RFX3: variants seen among roughly 807,000 people sequenced by gnomAD.
The protein encoded by RFX3 is regulatory factor X3.
In RFX3, 14 loss-of-function variants were observed where a neutral mutation model predicts 98.6. The observed-to-expected ratio is 0.14, with a 90% confidence interval of 0.09 to 0.22. The LOEUF is 0.22. Ranked by LOEUF, RFX3 falls within the 10% of genes least tolerant of loss-of-function variation. The probability of loss-of-function intolerance (pLI) is 1.00; values close to 1 mark genes in which losing one functional copy is unlikely to be tolerated. For missense variants in RFX3, 639 were observed against 926.9 expected, an observed-to-expected ratio of 0.69 and a Z score of 4.03; for synonymous variants, 383 against 328.4, an observed-to-expected ratio of 1.17 and a Z score of -1.80.
At chr9:3,291,088 G>C (rs1326465963) in intron 6 of RFX3, among the ~76,000 whole-genome samples, 2 of 152,192 alleles carry the variant, frequency 1.3e-5, no homozygotes, top group African/African-American at 4.8e-5. Context: ...TGCTGGGCTG[G>C]GTGCGGTGGC....
chr9:3,439,843 C>A (rs1845470944), intron 1 of RFX3, among the ~76,000 whole-genome samples: 1 of 151,950 alleles, frequency 6.6e-6, no homozygotes, highest in African/African-American at 2.4e-5. Context: ...CACACCAATA[C>A]TTCTCATGTA....
At chr9:3,523,409 T>C (rs1818917600) in intron 1 of RFX3, among the ~76,000 whole-genome samples, 1 of 152,192 alleles carries the variant, frequency 6.6e-6, no homozygotes, top group Admixed American at 6.5e-5. Context: ...ATTTAATCAA[T>C]TCCACAGCAG....
Position 3,330,772 on chromosome 9 carries a change from A to G in RFX3, c.216-255T>C, listed in dbSNP as rs16917028. On this transcript the variant is annotated intron_variant, in intron 3 of 16. Transcript: ENST00000617270. ...TTGCCCTCTCCTGGTGCCTATCTCC[A>G]GCATATAAATAAGCTCAGGTCTCTT... Among the ~76,000 whole-genome samples, 498 of 152,306 alleles carry G rather than the reference A, an allele frequency of 3.3e-3. 15 individuals are homozygous for G. In the East Asian group the frequency reaches 0.076, roughly 23 times the overall value.
intron 1 of RFX3, among the ~76,000 whole-genome samples, chr9:3,512,442 C>A (rs952823945): frequency 1.3e-5 from 2 of 151,890 alleles, no homozygotes; most frequent in African/African-American, 2.4e-5. Context: ...TTACTATATA[C>A]TGACTTTACA....
intron 2 of RFX3, among the ~76,000 whole-genome samples, chr9:3,348,933 A>G (rs1563966664): frequency 6.6e-6 from 1 of 152,134 alleles, no homozygotes; most frequent in Admixed American, 6.6e-5. Context: ...CTGGAATCAG[A>G]CATTTCTTCA....
chr9:3,399,996 T>G (rs770952810), intron 1 of RFX3, among the ~76,000 whole-genome samples: 1 of 151,624 alleles, frequency 6.6e-6, no homozygotes, highest in South Asian at 2.1e-4. Context: ...ACAATATTGA[T>G]GACATTTATA....
At chr9:3,295,095 G>C (rs1007372108) in intron 5 of RFX3, among the ~76,000 whole-genome samples, 2 of 152,068 alleles carry the variant, frequency 1.3e-5, no homozygotes, top group African/African-American at 4.8e-5. Context: ...CACAGAATAG[G>C]TTTGCTACAC....
intron 12 of RFX3, among the ~76,000 whole-genome samples, chr9:3,264,038 C>T (rs900851974): frequency 2.0e-5 from 3 of 152,138 alleles, no homozygotes; most frequent in Non-Finnish European, 4.4e-5. Flanking sequence ...CCCACTATTG[C>T]TAGCCCTGGG....
At chr9:3,340,452 C>G (rs1464974429) in intron 3 of RFX3, among the ~76,000 whole-genome samples, 1 of 152,188 alleles carries the variant, frequency 6.6e-6, no homozygotes, top group African/African-American at 2.4e-5. Context: ...AAACTACCAT[C>G]AGAGTGAACA....
rs1464457776 is a variant in RFX3 at position 3,266,322 on chromosome 9, A to G, written c.1358-17T>C. The stretch of plus-strand genomic sequence containing the variant: ...TCAAGGCACCTAAACATTAAAGAAT[A>G]AAAGCAGGATAAAAAAAAGTATGAA... On this transcript the variant is annotated splice_polypyrimidine_tract_variant and intron_variant, in intron 11 of 16. Coordinates refer to ENST00000617270, the MANE Select transcript of RFX3 (RefSeq NM_001282116.2). 1 of 1,531,786 alleles carries G rather than the reference A, an allele frequency of 6.5e-7. No homozygotes were observed. Among genetic ancestry groups the G allele is most frequent in the South Asian group, 1.1e-5 (1 of 88,200 alleles). The allele number at this position is 1,531,786 out of a possible 1,614,324, so 94.9% of individuals were successfully genotyped here.
chr9:3,270,326 A>G (rs748408833), intron 11 of RFX3, 45 bp downstream of exon 11: 1 of 1,554,800 alleles, frequency 6.4e-7, no homozygotes, highest in East Asian at 2.3e-5. Context: ...CCTGGGTGGA[A>G]TGTATGAGAA....
intron 4 of RFX3, among the ~76,000 whole-genome samples, chr9:3,314,943 C>T (rs1366861923): frequency 2.0e-5 from 3 of 152,304 alleles, no homozygotes; most frequent in East Asian, 3.9e-4. Flanking sequence ...TAGCACCCCA[C>T]TGTCAACATT....
At chr9:3,450,860 A>C (rs1846545405) in intron 1 of RFX3, among the ~76,000 whole-genome samples, 1 of 152,226 alleles carries the variant, frequency 6.6e-6, no homozygotes, top group South Asian at 2.1e-4. Flanking sequence ...TATTGCAATG[A>C]CTTAATTTAG....
intron 1 of RFX3, among the ~76,000 whole-genome samples, chr9:3,476,058 C>G (rs1015107064): frequency 3.3e-5 from 5 of 152,098 alleles, no homozygotes; most frequent in African/African-American, 1.2e-4. Flanking sequence ...TATGTCCCCT[C>G]AGCTCCTATC....
At chr9:3,298,370 T>C (rs1329515923) in intron 5 of RFX3, among the ~76,000 whole-genome samples, 1 of 151,770 alleles carries the variant, frequency 6.6e-6, no homozygotes, top group African/African-American at 2.4e-5. Context: ...TGAAGCAAAC[T>C]TGAAAAGAAA....
chr9:3,307,771 C>T (rs997433201), intron 4 of RFX3, among the ~76,000 whole-genome samples: 1 of 152,200 alleles, frequency 6.6e-6, no homozygotes, highest in Non-Finnish European at 1.5e-5. Flanking sequence ...GAAATTTCAA[C>T]TGTAGTGCAA....
At chr9:3,249,592 A>T (rs1821115223) in intron 14 of RFX3, among the ~76,000 whole-genome samples, 2 of 152,280 alleles carry the variant, frequency 1.3e-5, no homozygotes, top group Admixed American at 1.3e-4. Flanking sequence ...TCATTTATTT[A>T]TGGTGGCAAG....
At chr9:3,392,166 A>C (rs1323399318) in intron 2 of RFX3, among the ~76,000 whole-genome samples, 11 of 152,172 alleles carry the variant, frequency 7.2e-5, no homozygotes, top group Admixed American at 7.2e-4. Context: ...TCATGCATTC[A>C]AATCAGCGTC....
At position 3,224,471 on chromosome 9, in the gene RFX3, T is replaced by G. The variant is rs1009099054; in HGVS notation, c.*571A>C. ...TTTCCTCAGAGAAAAATAGATGACC[T>G]TCCAAACCCTCTAGCACTATAATAA... is the stretch of plus-strand genomic sequence containing the variant. On this transcript the variant is annotated 3_prime_UTR_variant, in exon 17 of 17. Coordinates refer to ENST00000617270, the MANE Select transcript of RFX3 (RefSeq NM_001282116.2). 6.6e-6 allele frequency: 1 copy of G among 152,506 alleles called. No homozygotes were observed. Among genetic ancestry groups the G allele is most frequent in the African/African-American group, 2.4e-5 (1 of 41,450 alleles). The allele number at this position is 152,506 out of a possible 1,614,324, so 9.4% of individuals were successfully genotyped here.
Sources: gnomAD v4.1 joint callset for allele counts (sites outside exome capture counted in the v4.1 genomes callset) on GRCh38, gnomAD v4.1.1 for gene constraint, MANE v1.5 for transcripts, NCBI Gene and HGNC (gene_info 2026-07-23, HGNC 2026-07-21) for gene names.